Variants in KIZ observed in about 807,000 individuals in gnomAD.
The protein encoded by KIZ is kizuna centrosomal protein.
In KIZ, 68 loss-of-function variants were observed where a neutral mutation model predicts 79.6. The observed-to-expected ratio is 0.85, with a 90% CI of 0.70 to 1.05. The LOEUF (loss-of-function observed/expected upper bound fraction) is 1.05, where lower values mean the gene tolerates loss of function less well. KIZ is among the 50% of genes least tolerant of loss of function. KIZ has a pLI of 0.00. For synonymous variants in KIZ, 280 were observed against 281.8 expected (o/e 0.99, Z 0.06); for missense variants, 797 against 800.4 (o/e 1.00, Z 0.05).
chr20:21,182,738 A>G (rs1249902682), intron 6 of KIZ, among the ~76,000 whole-genome samples: 2 of 149,272 alleles, frequency 1.3e-5, no homozygotes, highest in East Asian at 4.0e-4. Flanking sequence ...CAGAGGTTGC[A>G]GTGAGCCGAG....
chr20:21,129,093 C>T (rs1386361398), intron 1 of KIZ, among the ~76,000 whole-genome samples: 1 of 152,138 alleles, frequency 6.6e-6, no homozygotes, highest in Non-Finnish European at 1.5e-5. Context: ...AAAGGCTTTT[C>T]ATTGAGGCAA....
intron 7 of KIZ, among the ~76,000 whole-genome samples, chr20:21,208,951 C>T (rs1444912966): frequency 1.3e-5 from 2 of 152,118 alleles, no homozygotes; most frequent in East Asian, 1.9e-4. Context: ...GTAAATACTA[C>T]GGGTTAAATC....
intron 6 of KIZ, among the ~76,000 whole-genome samples, chr20:21,179,933 G>T (rs990124312): frequency 5.3e-5 from 8 of 152,156 alleles, no homozygotes; most frequent in Non-Finnish European, 1.2e-4. Flanking sequence ...TACTTGGTAT[G>T]ATTCAGTCTT....
chr20:21,234,140 G>C (rs922774734), intron 11 of KIZ, among the ~76,000 whole-genome samples: 5 of 151,876 alleles, frequency 3.3e-5, no homozygotes, highest in African/African-American at 1.2e-4. Flanking sequence ...AGGTTCTTTG[G>C]GAAATTTTTA....
chr20:21,156,875 G>A (rs974255400), intron 4 of KIZ, among the ~76,000 whole-genome samples: 1 of 152,160 alleles, frequency 6.6e-6, no homozygotes, highest in African/African-American at 2.4e-5. Flanking sequence ...TGATAAATGG[G>A]ATAAAATGTA....
chr20:21,179,268 T>C (rs1485872166), intron 6 of KIZ, among the ~76,000 whole-genome samples: 1 of 151,232 alleles, frequency 6.6e-6, no homozygotes, highest in Non-Finnish European at 1.5e-5. Flanking sequence ...CTTACTAGTT[T>C]TAGGTCTGTT....
At chr20:21,244,531 G>T in intron 12 of KIZ, 1 of 523,536 alleles carries the variant, frequency 1.9e-6, no homozygotes, top group Non-Finnish European at 3.4e-6. Context: ...GTATGAATTT[G>T]CAGGGGATCC....
In KIZ at chr20:21,232,760, G is replaced by C. The variant is rs777972968; in HGVS notation, c.1810G>C (p.Glu604Gln). 6.3e-7 allele frequency: 1 copy of C among 1,590,542 alleles called. No individual in the cohort carries two copies. Among genetic ancestry groups the C allele is most frequent in the South Asian group, 1.1e-5 (1 of 88,036 alleles). ...SGLNIGSGAF[E>Q]TKTANKIASE... Reference sequence around the variant, plus strand: ...TTTGAATATTGGCAGCGGTGCATTCGAGACAAAGACAGCTAACAAAATTGC... The same window carrying C: ...TTTGAATATTGGCAGCGGTGCATTCCAGACAAAGACAGCTAACAAAATTGC... Residue 604 changes from glutamate (E) to glutamine (Q), a missense_variant, in exon 11 of 13, where the codon GAG becomes CAG. By Grantham distance (29) the Glu-to-Gln change is conservative (BLOSUM62 2). Coordinates refer to ENST00000619189, the MANE Select transcript of KIZ (RefSeq NM_018474.6).
At chr20:21,206,147 C>G (rs2035819451) in intron 7 of KIZ, among the ~76,000 whole-genome samples, 2 of 152,144 alleles carry the variant, frequency 1.3e-5, no homozygotes. Flanking sequence ...TTATAACACT[C>G]TAGTTTTCCG....
In KIZ at chr20:21,219,712, T is replaced by C. The variant is rs75731010; in HGVS notation, c.1678+4064T>C. Among the ~76,000 whole-genome samples, 504 of 152,352 alleles carry C rather than the reference T, an allele frequency of 3.3e-3. 1 individual carries two copies. The highest frequency in any genetic ancestry group is 8.1e-3 in the East Asian group (42 of 5,188). ...CCAAGGGACTGTGCTTCTTCCTCTATGCTAATGGAATCCAGTGTGCCAGCA... is the reference window on the plus strand; with the variant it reads ...CCAAGGGACTGTGCTTCTTCCTCTACGCTAATGGAATCCAGTGTGCCAGCA... On this transcript the variant is annotated intron_variant, in intron 9 of 12. Coordinates refer to ENST00000619189, the MANE Select transcript of KIZ (RefSeq NM_018474.6).
chr20:21,137,653 A>G (rs2122391533), intron 3 of KIZ, among the ~76,000 whole-genome samples: 1 of 151,744 alleles, frequency 6.6e-6, no homozygotes, highest in East Asian at 1.9e-4. Flanking sequence ...TCTCTGAGCC[A>G]TTGAAAGTCT....
intron 4 of KIZ, among the ~76,000 whole-genome samples, chr20:21,149,473 A>G (rs1446655357): frequency 6.6e-6 from 1 of 152,204 alleles, no homozygotes; most frequent in Non-Finnish European, 1.5e-5. Flanking sequence ...AATGCCTTAC[A>G]ACTCGACTGA....
At chr20:21,138,668 A>T (rs2032337112) in intron 3 of KIZ, among the ~76,000 whole-genome samples, 1 of 152,104 alleles carries the variant, frequency 6.6e-6, no homozygotes, top group Non-Finnish European at 1.5e-5. Flanking sequence ...AGATGTCTCT[A>T]TTGTAAGGTA....
intron 6 of KIZ, among the ~76,000 whole-genome samples, chr20:21,180,570 C>T (rs753305144): frequency 1.5e-4 from 23 of 152,208 alleles, no homozygotes; most frequent in East Asian, 3.9e-4. Context: ...TCTTTCAATA[C>T]GAATTTGAGA....
chr20:21,126,304 G>C (rs887945850), intron 1 of KIZ, 100 bp downstream of exon 1: 12 of 827,276 alleles, frequency 1.5e-5, no homozygotes, highest in Non-Finnish European at 2.1e-5. Flanking sequence ...GAGGTTCCCC[G>C]GGGCCCAGGC....
At chr20:21,224,968 T>C (rs930269561) in intron 9 of KIZ, among the ~76,000 whole-genome samples, 1 of 152,120 alleles carries the variant, frequency 6.6e-6, no homozygotes, top group East Asian at 1.9e-4. Flanking sequence ...CTATTTTCTA[T>C]ACACAAAACG....
chr20:21,215,691 CATT>C (rs1362353106), intron 9 of KIZ, 43 bp downstream of exon 9: 1 of 1,344,648 alleles, frequency 7.4e-7, no homozygotes, highest in East Asian at 2.3e-5. Context: ...CAAGATTTAG[CATT>C]ATTATATAAG....
intron 4 of KIZ, among the ~76,000 whole-genome samples, chr20:21,156,863 A>G (rs976395915): frequency 8.5e-5 from 13 of 152,210 alleles, no homozygotes; most frequent in African/African-American, 2.4e-4. Flanking sequence ...AGGGAGAGAA[A>G]ATGATAAATG....
chr20:21,171,337 C>T (rs7269160), intron 6 of KIZ, among the ~76,000 whole-genome samples: 1 of 152,140 alleles, frequency 6.6e-6, no homozygotes, highest in African/African-American at 2.4e-5. Flanking sequence ...AGTCCTTTAT[C>T]AGGGGGATAG....
Sources: allele counts gnomAD v4.1 joint callset (sites outside exome capture counted in the v4.1 genomes callset), GRCh38; gene constraint gnomAD v4.1.1; transcripts MANE v1.5; gene names NCBI Gene and HGNC (gene_info 2026-07-23, HGNC 2026-07-21).